EEF2K: variants seen among roughly 807,000 people sequenced by gnomAD.
EEF2K encodes the protein eukaryotic elongation factor 2 kinase.
Under a neutral mutation model 93.8 loss-of-function variants are expected in EEF2K, and 70 were observed. The observed-to-expected ratio is 0.75, with a 90% CI of 0.62 to 0.91. The LOEUF is 0.91. Among genes scored for constraint, EEF2K ranks in the 40% least tolerant of loss-of-function variants. The pLI is 0.00. For missense variants in EEF2K, 935 were observed against 972.9 expected, an observed-to-expected ratio of 0.96 and a Z score of 0.52; for synonymous variants, 376 against 380.8, an observed-to-expected ratio of 0.99 and a Z score of 0.15.
intron 2 of EEF2K, among the ~76,000 whole-genome samples, chr16:22,242,999 G>A (rs902831761): frequency 6.6e-6 from 1 of 151,580 alleles, no homozygotes; most frequent in Admixed American, 6.6e-5. Context: ...GAGGCGAGAG[G>A]ATCACCTGAG....
At chr16:22,248,134 G>A (rs1267146553) in intron 3 of EEF2K, among the ~76,000 whole-genome samples, 1 of 151,682 alleles carries the variant, frequency 6.6e-6, no homozygotes, top group East Asian at 1.9e-4. Context: ...GTGCAATCTC[G>A]GCTCACTGTG....
intron 15 of EEF2K, among the ~76,000 whole-genome samples, chr16:22,271,555 G>C (rs572759849): frequency 6.6e-6 from 1 of 150,974 alleles, no homozygotes; most frequent in Non-Finnish European, 1.5e-5. Context: ...AAACAAATTA[G>C]CCTGGTGTGG....
intron 2 of EEF2K, among the ~76,000 whole-genome samples, chr16:22,241,274 TAAAG>T (rs1388451023): frequency 6.6e-6 from 1 of 152,074 alleles, no homozygotes; most frequent in Non-Finnish European, 1.5e-5. Context: ...GATCACTAAA[TAAAG>T]CACAAAATCC....
intron 15 of EEF2K, among the ~76,000 whole-genome samples, chr16:22,267,221 T>G (rs2047533404): frequency 6.6e-6 from 1 of 152,078 alleles, no homozygotes; most frequent in Admixed American, 6.6e-5. Context: ...GCTCATCAGT[T>G]CTGTGTGTAT....
At chr16:22,229,587 G>C (rs2047096195) in intron 2 of EEF2K, among the ~76,000 whole-genome samples, 1 of 152,286 alleles carries the variant, frequency 6.6e-6, no homozygotes, top group South Asian at 2.1e-4. Flanking sequence ...TGTGGTCCCA[G>C]CTACTCGGGA....
At chr16:22,221,421 C>G (rs2047010370) in intron 1 of EEF2K, among the ~76,000 whole-genome samples, 1 of 151,916 alleles carries the variant, frequency 6.6e-6, no homozygotes, top group African/African-American at 2.4e-5. Flanking sequence ...CTACAGTGAG[C>G]TGTGATCACA....
At chr16:22,215,185 G>A (rs1262677751) in intron 1 of EEF2K, among the ~76,000 whole-genome samples, 2 of 152,158 alleles carry the variant, frequency 1.3e-5, no homozygotes. Flanking sequence ...TTTTTCATCT[G>A]CCACGCAGGT....
At chr16:22,280,663 C>CTTTTTTTT (rs11289061) in intron 17 of EEF2K, among the ~76,000 whole-genome samples, 26 of 130,152 alleles carry the variant, frequency 2.0e-4, no homozygotes, top group South Asian at 4.8e-4. Context: ...TCCTTTCTTT[C>CTTTTTTTT]TTTTTTTTTT....
intron 16 of EEF2K, among the ~76,000 whole-genome samples, chr16:22,278,868 G>A (rs755013789): frequency 5.3e-5 from 8 of 152,254 alleles, no homozygotes; most frequent in East Asian, 1.9e-4. Context: ...GTTGAGGGTC[G>A]ACGGGCAGAG....
chr16:22,232,630 C>G (rs926103088), intron 2 of EEF2K, among the ~76,000 whole-genome samples: 2 of 152,130 alleles, frequency 1.3e-5, no homozygotes, highest in African/African-American at 4.8e-5. Flanking sequence ...CAGTGTCGTT[C>G]TTTGTTTGAG....
intron 1 of EEF2K, among the ~76,000 whole-genome samples, chr16:22,222,882 C>CCGAT (rs2047028105): frequency 1.3e-5 from 2 of 150,248 alleles, no homozygotes; most frequent in African/African-American, 4.9e-5. Context: ...GACTCCATCT[C>CCGAT]AGATAGATAG....
chr16:22,260,720 T>C (rs1313079435), intron 11 of EEF2K, among the ~76,000 whole-genome samples, 191 bp downstream of exon 11: 1 of 152,158 alleles, frequency 6.6e-6, no homozygotes, highest in Non-Finnish European at 1.5e-5. Flanking sequence ...AGCTTTCCTC[T>C]GAGAAAAGGT....
At chr16:22,230,028 C>T (rs1221632907) in intron 2 of EEF2K, among the ~76,000 whole-genome samples, 1 of 152,182 alleles carries the variant, frequency 6.6e-6, no homozygotes, top group Non-Finnish European at 1.5e-5. Context: ...TGGGTCTCCT[C>T]TGGGGTCCGG....
intron 1 of EEF2K, among the ~76,000 whole-genome samples, chr16:22,222,986 A>G (rs2047029090): frequency 6.6e-6 from 1 of 152,056 alleles, no homozygotes; most frequent in Non-Finnish European, 1.5e-5. Flanking sequence ...ACCCATTAGC[A>G]ATCATTCCCC....
chr16:22,213,923 C>T (rs2046937275), intron 1 of EEF2K, among the ~76,000 whole-genome samples: 1 of 152,230 alleles, frequency 6.6e-6, no homozygotes, highest in Admixed American at 6.5e-5. Context: ...TCCTTAATCA[C>T]ATCTGCAAAG....
At chr16:22,227,457 A>G (rs930189560) in intron 2 of EEF2K, among the ~76,000 whole-genome samples, 1 of 152,102 alleles carries the variant, frequency 6.6e-6, no homozygotes, top group African/African-American at 2.4e-5. Flanking sequence ...TCCTGGCCTC[A>G]AGTGATCCAC....
At chr16:22,228,824 A>G (rs1413665653) in intron 2 of EEF2K, among the ~76,000 whole-genome samples, 2 of 152,234 alleles carry the variant, frequency 1.3e-5, no homozygotes, top group Admixed American at 6.5e-5. Flanking sequence ...GGAGGCAGGC[A>G]ATAAGCTTGG....
Position 22,280,258 on chromosome 16 carries a change from T to C in EEF2K, c.1950T>C (p.Cys650=), listed in dbSNP as rs771831501. Residue 650 remains cysteine, a synonymous_variant, in exon 17 of 18, where the codon TGT becomes TGC. Coordinates refer to ENST00000263026, the MANE Select transcript of EEF2K (RefSeq NM_013302.5). ...WYNTALEMTD[C]DEGGEYDGMQ... ...ACACTGCCCTGGAGATGACGGACTG[T>C]GATGAGGGCGGTGAGTACGACGGAA... 5.6e-6 allele frequency: 9 copies of C among 1,604,258 alleles called. No individual in the cohort carries two copies. The South Asian group carries it at 1.0e-4, about 18-fold the overall frequency.
chr16:22,271,212 T>C lies in EEF2K; in HGVS notation c.1765-2414T>C, dbSNP rs546956535. Among the ~76,000 whole-genome samples, 7 of 151,892 alleles carry C rather than the reference T, an allele frequency of 4.6e-5. No homozygotes were observed. In the East Asian group the frequency reaches 1.2e-3, roughly 25 times the overall value. On this transcript the variant is annotated intron_variant, in intron 15 of 17. Transcript: ENST00000263026. The stretch of plus-strand genomic sequence containing the variant: ...CTCGAACTACTGACCTCAGGTGATC[T>C]GCCCACCTCGGCCTCCCAAAGTGCT...
Sources: gnomAD v4.1 joint callset for allele counts (sites outside exome capture counted in the v4.1 genomes callset) on GRCh38, gnomAD v4.1.1 for gene constraint, MANE v1.5 for transcripts, NCBI Gene and HGNC (gene_info 2026-07-23, HGNC 2026-07-21) for gene names.